Variants in LARP4B observed in about 807,000 individuals in gnomAD.
The protein encoded by LARP4B is la-related protein 4B.
In LARP4B, 12 loss-of-function variants were observed where a neutral mutation model predicts 89.8. That is an observed-to-expected ratio of 0.13 (90% CI 0.09 to 0.22). The LOEUF (loss-of-function observed/expected upper bound fraction) is 0.22. Ranked by LOEUF, LARP4B falls within the 10% of genes least tolerant of loss-of-function variation. The pLI is 1.00. For synonymous variants in LARP4B, 367 were observed against 363.3 expected, an observed-to-expected ratio of 1.01 and a Z score of -0.12; for missense variants, 757 against 947.7, an observed-to-expected ratio of 0.80 and a Z score of 2.64.
At chr10:935,914 T>TGTTG (rs1830744355), upstream of LARP4B, among the ~76,000 whole-genome samples, 1 of 151,686 alleles carries the variant, frequency 6.6e-6, no homozygotes, top group Non-Finnish European at 1.5e-5. Flanking sequence ...TTTGTTTGTT[T>TGTTG]TTTGTTTTTA....
intron 3 of LARP4B, among the ~76,000 whole-genome samples, chr10:871,913 A>G (rs1312852657): frequency 1.3e-5 from 2 of 152,168 alleles, no homozygotes; most frequent in Non-Finnish European, 2.9e-5. Flanking sequence ...AACAACTGTT[A>G]CCACCTCCGG....
the LARP4B span, among the ~76,000 whole-genome samples, chr10:982,116 C>CTT: frequency 6.5e-5 from 3 of 46,010 alleles, no homozygotes; most frequent in African/African-American, 2.7e-4. Flanking sequence ...TTCTTTCTTT[C>CTT]TTTTTTTTTT....
Position 848,229 on chromosome 10 carries a change from A to G in LARP4B, c.431-3174T>C, listed in dbSNP as rs1463343032. On this transcript the variant is annotated intron_variant, in intron 5 of 17. Coordinates refer to ENST00000316157, the MANE Select transcript of LARP4B (RefSeq NM_015155.3). ...CCTCGGTGATAGGAACAGGCCCCAC[A>G]CAGCACCGTCCCACTCACACCTAAC... Among the ~76,000 whole-genome samples the G allele has an allele frequency of 2.0e-5, 3 of 152,194 alleles. No homozygotes were observed. The East Asian group carries it at 5.8e-4, about 29-fold the overall frequency.
the LARP4B span, chr10:972,581 C>T: frequency 2.8e-5 from 13 of 457,178 alleles, no homozygotes; most frequent in Non-Finnish European, 4.8e-5. Flanking sequence ...GCCACAGCGT[C>T]AGAGTTAGAC....
At chr10:947,856 C>T in the LARP4B span, among the ~76,000 whole-genome samples, 1 of 152,118 alleles carries the variant, frequency 6.6e-6, no homozygotes, top group Non-Finnish European at 1.5e-5. Context: ...CTTCTGACCT[C>T]AGGTGATCTG....
chr10:942,274 T>G, the LARP4B span: 1 of 152,150 alleles, frequency 6.6e-6, no homozygotes, highest in Non-Finnish European at 1.5e-5. Flanking sequence ...TATGGGGGTG[T>G]TGTAGGGAAC....
At chr10:877,042 G>A (rs1352986288) in intron 3 of LARP4B, among the ~76,000 whole-genome samples, 1 of 152,172 alleles carries the variant, frequency 6.6e-6, no homozygotes, top group Non-Finnish European at 1.5e-5. Flanking sequence ...CACAGGATGT[G>A]GGGAGCAGAG....
intron 1 of LARP4B, among the ~76,000 whole-genome samples, chr10:898,663 T>A (rs1008426453): frequency 2.0e-5 from 3 of 152,234 alleles, no homozygotes; most frequent in African/African-American, 7.2e-5. Flanking sequence ...GAAAGGGTAA[T>A]GTGAAAACAC....
chr10:915,830 CT>C (rs1456393346), intron 1 of LARP4B, among the ~76,000 whole-genome samples: 8 of 108,138 alleles, frequency 7.4e-5, no homozygotes, highest in African/African-American at 2.6e-4. Flanking sequence ...GAGACTCCGC[CT>C]CAAAAAAAAA....
chr10:806,914 G>A (rs576664918), downstream of LARP4B: 1 of 152,572 alleles, frequency 6.6e-6, no homozygotes, highest in African/African-American at 2.4e-5. Flanking sequence ...GAGCAGCAGG[G>A]AAGAGAAAGG....
At position 813,229 on chromosome 10, in the gene LARP4B, C is replaced by A; in HGVS notation, c.1930-16G>T. 6.3e-7 allele frequency: 1 copy of A among 1,586,004 alleles called. No homozygotes were observed. Among genetic ancestry groups the A allele is most frequent in the Non-Finnish European group, 8.6e-7 (1 of 1,168,362 alleles). Reference sequence around the variant, plus strand: ...TTCGCAATTCCTGGAAACAGACAATCCTGGGTTACCTGTGTGAAATGGTGT... The same window carrying A: ...TTCGCAATTCCTGGAAACAGACAATACTGGGTTACCTGTGTGAAATGGTGT... On this transcript the variant is annotated splice_polypyrimidine_tract_variant and intron_variant, in intron 17 of 17. Transcript: ENST00000316157.
chr10:932,385 G>A (rs111079693), upstream of LARP4B, among the ~76,000 whole-genome samples: 4,666 of 58,808 alleles, frequency 0.079, 28 homozygotes, highest in Non-Finnish European at 0.12. Flanking sequence ...CCCCGGCCCT[G>A]CCCCGAACCC....
At chr10:901,525 G>A (rs1836344801) in intron 1 of LARP4B, among the ~76,000 whole-genome samples, 2 of 152,136 alleles carry the variant, frequency 1.3e-5, no homozygotes, top group Non-Finnish European at 2.9e-5. Context: ...AACATTTACA[G>A]AGCAACAGAC....
At chr10:954,445 C>T in the LARP4B span, among the ~76,000 whole-genome samples, 10 of 152,060 alleles carry the variant, frequency 6.6e-5, no homozygotes, top group African/African-American at 1.2e-4. This position sits in a 1 kb window ranked among gnomAD's most constrained non-coding sequence, Gnocchi z 5.0. Context: ...GATGGAAAGA[C>T]GGGGGTGTGA....
intron 1 of LARP4B, among the ~76,000 whole-genome samples, chr10:925,053 T>C (rs542186008): frequency 3.2e-4 from 48 of 152,256 alleles, no homozygotes; most frequent in African/African-American, 1.1e-3. Context: ...ATAAATACTA[T>C]GAAAAAAGTA....
chr10:917,071 ACT>A (rs2132036752), intron 1 of LARP4B, among the ~76,000 whole-genome samples: 1 of 152,196 alleles, frequency 6.6e-6, no homozygotes, highest in African/African-American at 2.4e-5. Flanking sequence ...AACTTTCAGA[ACT>A]CTAATAAACT....
At chr10:850,005 G>C (rs988391957) in intron 5 of LARP4B, among the ~76,000 whole-genome samples, 2 of 152,180 alleles carry the variant, frequency 1.3e-5, no homozygotes, top group African/African-American at 4.8e-5. Context: ...CTGAGATCCC[G>C]CAACAGAAAA....
In LARP4B at chr10:812,822, G is replaced by A. The variant is rs1357736555; in HGVS notation, c.*104C>T. 1 of 1,061,170 alleles carries A rather than the reference G, an allele frequency of 9.4e-7. No individual in the cohort carries two copies. 65.7% of individuals were successfully genotyped at this position (1,061,170 alleles called of 1,614,324 possible). The stretch of plus-strand genomic sequence containing the variant: ...CAACTTGAGGATCCCACAGGCCTCA[G>A]ACACTGCAAGCTCCTAACCAGCGGC... On this transcript the variant is annotated 3_prime_UTR_variant, in exon 18 of 18. Coordinates refer to ENST00000316157, the MANE Select transcript of LARP4B (RefSeq NM_015155.3).
intron 1 of LARP4B, among the ~76,000 whole-genome samples, chr10:912,844 T>C (rs534918163): frequency 1.3e-5 from 2 of 151,984 alleles, no homozygotes; most frequent in African/African-American, 4.8e-5. Flanking sequence ...CCAACCTGAA[T>C]GGCAGTGAGA....
Sources: gnomAD v4.1 joint callset for allele counts (sites outside exome capture counted in the v4.1 genomes callset) on GRCh38, gnomAD v4.1.1 for gene constraint, Gnocchi (gnomAD v3.1) non-coding constraint, MANE v1.5 for transcripts, NCBI Gene and HGNC (gene_info 2026-07-23, HGNC 2026-07-21) for gene names.